The following SLC16A7 variants were observed in gnomAD, a reference collection of about 807,000 sequenced individuals.
The protein encoded by SLC16A7 is solute carrier family 16 member 7.
In SLC16A7, 33 loss-of-function variants were observed where a neutral mutation model predicts 34.9. That is an observed-to-expected ratio of 0.94 (90% CI 0.72 to 1.26). The LOEUF is 1.26. Among genes scored for constraint, SLC16A7 ranks in the 50% most tolerant of loss-of-function variants. The pLI, the probability that SLC16A7 is intolerant of heterozygous loss-of-function variation, is 0.00. For missense variants in SLC16A7, 573 were observed against 578.1 expected (o/e 0.99, Z 0.09); for synonymous variants, 201 against 206.6 (o/e 0.97, Z 0.23).
intron 3 of SLC16A7, among the ~76,000 whole-genome samples, chr12:59,744,186 G>T (rs983859618): frequency 3.9e-5 from 6 of 152,156 alleles, no homozygotes; most frequent in Non-Finnish European, 8.8e-5. Context: ...AGCCCAAAAT[G>T]AGAACATACA....
chr12:59,712,427 T>G (rs1232043662), intron 3 of SLC16A7, among the ~76,000 whole-genome samples: 2 of 152,224 alleles, frequency 1.3e-5, no homozygotes, highest in African/African-American at 4.8e-5. Flanking sequence ...GTCATTCTTT[T>G]TGGGCCATCC....
At chr12:59,688,941 A>C (rs1047971617) in intron 2 of SLC16A7, among the ~76,000 whole-genome samples, 1 of 152,070 alleles carries the variant, frequency 6.6e-6, no homozygotes, top group Admixed American at 6.6e-5. Context: ...TTATGCCATT[A>C]TAGTGGTATT....
intron 3 of SLC16A7, among the ~76,000 whole-genome samples, chr12:59,709,667 TAC>T (rs1873993250): frequency 6.6e-6 from 1 of 151,654 alleles, no homozygotes; most frequent in South Asian, 2.1e-4. Flanking sequence ...AAGTACCAGG[TAC>T]ACTTTGACAG....
intron 3 of SLC16A7, among the ~76,000 whole-genome samples, chr12:59,711,333 A>T (rs2137164554): frequency 6.6e-6 from 1 of 152,334 alleles, no homozygotes; most frequent in East Asian, 1.9e-4. Context: ...CAAGAATAAA[A>T]ATGTGTTGGG....
intron 1 of SLC16A7, among the ~76,000 whole-genome samples, chr12:59,609,753 T>C (rs1256718084): frequency 1.3e-5 from 2 of 152,198 alleles, no homozygotes; most frequent in Non-Finnish European, 2.9e-5. Flanking sequence ...TAATGCTTGC[T>C]CAGTTATGCA....
intron 1 of SLC16A7, among the ~76,000 whole-genome samples, chr12:59,625,759 T>A (rs1879898497): frequency 6.6e-6 from 1 of 151,846 alleles, no homozygotes; most frequent in Non-Finnish European, 1.5e-5. Context: ...GGTATAAGCA[T>A]GTCTACCTAG....
chr12:59,720,073 C>A (rs925634224), intron 3 of SLC16A7: 10 of 699,280 alleles, frequency 1.4e-5, no homozygotes, highest in Admixed American at 1.2e-4. Flanking sequence ...TTTTCTAATT[C>A]TTCAGGTTGG....
At chr12:59,706,990 A>T (rs1038798535) in intron 3 of SLC16A7, among the ~76,000 whole-genome samples, 1 of 152,110 alleles carries the variant, frequency 6.6e-6, no homozygotes, top group African/African-American at 2.4e-5. Context: ...ACTTAAAACA[A>T]TACAGGTTAT....
chr12:59,759,844 C>A (rs939300210), intron 3 of SLC16A7, among the ~76,000 whole-genome samples: 1 of 152,000 alleles, frequency 6.6e-6, no homozygotes. Flanking sequence ...TATAAACAAT[C>A]TTTTTTCTTC....
At chr12:59,651,730 T>C (rs1312845504) in intron 1 of SLC16A7, among the ~76,000 whole-genome samples, 1 of 152,184 alleles carries the variant, frequency 6.6e-6, no homozygotes, top group Admixed American at 6.6e-5. Context: ...AGTCAGCCAC[T>C]TATCAGCTGA....
At chr12:59,677,120 A>T (rs985540295) in intron 2 of SLC16A7, among the ~76,000 whole-genome samples, 11 of 152,088 alleles carry the variant, frequency 7.2e-5, no homozygotes, top group Non-Finnish European at 1.6e-4. Flanking sequence ...GATACTTTGA[A>T]TTTATAATGG....
chr12:59,608,564 C>G (rs185328891), intron 1 of SLC16A7, among the ~76,000 whole-genome samples: 11 of 152,278 alleles, frequency 7.2e-5, no homozygotes, highest in Non-Finnish European at 1.5e-5. Context: ...TGAATGTAAC[C>G]TGGCCTCTTG....
At chr12:59,648,398 A>G (rs1219611235) in intron 1 of SLC16A7, among the ~76,000 whole-genome samples, 1 of 152,176 alleles carries the variant, frequency 6.6e-6, no homozygotes. Flanking sequence ...TATAGATGAT[A>G]TTAATATTTA....
intron 1 of SLC16A7, among the ~76,000 whole-genome samples, chr12:59,634,764 A>G (rs745716855): frequency 6.6e-5 from 10 of 152,102 alleles, no homozygotes; most frequent in Non-Finnish European, 1.5e-4. Flanking sequence ...AAGTTTGACC[A>G]AGTAGAGAAT....
At chr12:59,650,112 C>T (rs776265109) in intron 1 of SLC16A7, among the ~76,000 whole-genome samples, 1 of 151,848 alleles carries the variant, frequency 6.6e-6, no homozygotes, top group African/African-American at 2.4e-5. Context: ...CAGATACCCC[C>T]TTGATGATAT....
At chr12:59,680,875 T>G (rs1423925640) in intron 2 of SLC16A7, among the ~76,000 whole-genome samples, 1 of 152,228 alleles carries the variant, frequency 6.6e-6, no homozygotes, top group East Asian at 1.9e-4. Flanking sequence ...CCCTGAATTC[T>G]CTGTAAATTC....
intron 1 of SLC16A7, among the ~76,000 whole-genome samples, chr12:59,654,494 C>T (rs543286037): frequency 7.2e-5 from 11 of 151,838 alleles, no homozygotes; most frequent in African/African-American, 2.6e-4. Flanking sequence ...TTTCAAGGTT[C>T]ATATCATCAA....
At position 59,704,885 on chromosome 12, in the gene SLC16A7, C is replaced by T. The variant is rs1307415045; in HGVS notation, c.84C>T (p.Ile28=). 6.2e-7 allele frequency: 1 copy of T among 1,613,878 alleles called. No individual in the cohort carries two copies. Among genetic ancestry groups the T allele is most frequent in the Non-Finnish European group, 8.5e-7 (1 of 1,179,854 alleles). ...WGWIVVGAAF[I]SIGFSYAFPK... ...GGATTGTGGTTGGAGCAGCTTTTAT[C>T]TCCATTGGATTTTCCTATGCATTCC... The change falls in exon 3 of 6, where the codon ATC becomes ATT. Residue 28 remains isoleucine (I), a synonymous_variant. Coordinates refer to ENST00000547379, the MANE Select transcript of SLC16A7 (RefSeq NM_001270623.2).
rs1878404290 is a variant in SLC16A7, at chr12:59,596,494, G to A, written c.-130+258G>A. Among the ~76,000 whole-genome samples, 1 of 111,590 alleles carries A rather than the reference G, an allele frequency of 9.0e-6. No individual in the cohort carries two copies. The allele number at this position is 111,590 out of a possible 152,430, so 73.2% of individuals were successfully genotyped here. A position where few individuals can be genotyped will look rare whatever the true frequency, so the allele number is the denominator to read the frequency against. ...GCCGACAGCTGCCCGGGAACTGAGG[G>A]GGCGCGCGGGGTCCTGGGCAAGGAG... On this transcript the variant is annotated intron_variant, in intron 1 of 5. Coordinates refer to ENST00000547379, the MANE Select transcript of SLC16A7 (RefSeq NM_001270623.2). This position sits in a 1 kb window ranked among gnomAD's most constrained non-coding sequence, Gnocchi z 5.0.
Sources: allele counts gnomAD v4.1 joint callset (sites outside exome capture counted in the v4.1 genomes callset), GRCh38; gene constraint gnomAD v4.1.1; non-coding constraint Gnocchi (gnomAD v3.1); transcripts MANE v1.5; gene names NCBI Gene and HGNC (gene_info 2026-07-23, HGNC 2026-07-21).